The following CARMIL1 variants were observed in gnomAD, a reference collection of about 807,000 sequenced individuals.
CARMIL1 encodes capping protein regulator and myosin 1 linker 1.
A neutral mutation model predicts 177.1 loss-of-function variants in CARMIL1; 90 were observed. The ratio of observed to expected loss-of-function variants is 0.51; its 90% CI spans 0.43 to 0.61. The LOEUF (loss-of-function observed/expected upper bound fraction) is 0.61. Among genes scored for constraint, CARMIL1 ranks in the 20% least tolerant of loss-of-function variants. CARMIL1 has a pLI of 0.00. For synonymous variants in CARMIL1, 577 were observed against 606.2 expected, an observed-to-expected ratio of 0.95 and a Z score of 0.71; for missense variants, 1,380 against 1,667.0, an observed-to-expected ratio of 0.83 and a Z score of 3.00.
Position 25,452,363 on chromosome 6 carries a change from CT to C in CARMIL1, c.614+1655del, listed in dbSNP as rs1291902970. On this transcript the variant is annotated intron_variant, in intron 8 of 36. Transcript: ENST00000329474. ...AGAAAGAAAAAGGGAAAATATTTTA[CT>C]TTGTAAGTATTTTCCAATAAAACAA... 6.4e-5 allele frequency: 40 copies of C among 623,744 alleles called. No individual in the cohort carries two copies. In the South Asian group the frequency reaches 7.0e-4, roughly 11 times the overall value. 38.6% of individuals were successfully genotyped at this position (623,744 alleles called of 1,614,324 possible). A position where few individuals can be genotyped will look rare whatever the true frequency, so the allele number is the denominator to read the frequency against.
chr6:25,321,994 G>C (rs562017172), intron 2 of CARMIL1, among the ~76,000 whole-genome samples: 42 of 152,000 alleles, frequency 2.8e-4, no homozygotes, highest in African/African-American at 9.9e-4. Flanking sequence ...AGGTCACGCT[G>C]TGTTGCCTAG....
intron 2 of CARMIL1, among the ~76,000 whole-genome samples, chr6:25,408,303 A>T (rs1581837802): frequency 6.6e-6 from 1 of 151,788 alleles, no homozygotes; most frequent in Non-Finnish European, 1.5e-5. Context: ...AAAAAAAAAA[A>T]AAAAAAAAAA....
At chr6:25,442,107 A>G (rs1475610125) in intron 5 of CARMIL1, among the ~76,000 whole-genome samples, 3 of 151,976 alleles carry the variant, frequency 2.0e-5, no homozygotes, top group Non-Finnish European at 4.4e-5. Context: ...TATTCTGGAG[A>G]CAGCTGCCAT....
chr6:25,441,337 A>ATATATATATATGTGTGTG, intron 5 of CARMIL1, among the ~76,000 whole-genome samples: 225 of 94,510 alleles, frequency 2.4e-3, no homozygotes, highest in Middle Eastern at 5.4e-3. Flanking sequence ...ATATATATAT[A>ATATATATATATGTGTGTG]TGTGTGTGTG....
intron 2 of CARMIL1, among the ~76,000 whole-genome samples, chr6:25,419,237 CACTTGCT>C (rs1795626818): frequency 6.6e-6 from 1 of 152,158 alleles, no homozygotes; most frequent in African/African-American, 2.4e-5. Context: ...AAATAAGCAC[CACTTGCT>C]AAATACAGGC....
intron 2 of CARMIL1, among the ~76,000 whole-genome samples, chr6:25,336,270 C>A (rs1217835610): frequency 6.6e-6 from 1 of 152,152 alleles, no homozygotes; most frequent in East Asian, 1.9e-4. Context: ...GGTTTCATCC[C>A]TCCATGCTTG....
intron 2 of CARMIL1, among the ~76,000 whole-genome samples, chr6:25,399,051 C>T (rs1471815427): frequency 1.3e-5 from 2 of 152,154 alleles, no homozygotes; most frequent in East Asian, 3.9e-4. Context: ...AAAACACCCC[C>T]CTTTTCTTCC....
intron 29 of CARMIL1, among the ~76,000 whole-genome samples, chr6:25,568,959 TGCCC>T (rs1811816232): frequency 2.0e-5 from 3 of 152,238 alleles, no homozygotes; most frequent in African/African-American, 4.8e-5. Context: ...TAGAAAATAA[TGCCC>T]TAGTGGCATA....
At chr6:25,381,474 G>C (rs1308801573) in intron 2 of CARMIL1, among the ~76,000 whole-genome samples, 1 of 152,202 alleles carries the variant, frequency 6.6e-6, no homozygotes, top group Non-Finnish European at 1.5e-5. Context: ...CTCCACTTTA[G>C]ATGCCAGTTG....
chr6:25,314,502 C>A (rs1038773693), intron 2 of CARMIL1, among the ~76,000 whole-genome samples: 1 of 123,176 alleles, frequency 8.1e-6, no homozygotes, highest in African/African-American at 3.7e-5. Flanking sequence ...TATATACACA[C>A]CCCCACACAC....
chr6:25,604,745 A>G (rs1489362702), intron 33 of CARMIL1, 67 bp from the exon 34 acceptor site: 2 of 1,246,894 alleles, frequency 1.6e-6, no homozygotes, highest in South Asian at 1.3e-5. Flanking sequence ...TATTATCTGC[A>G]TTGTTTTTTC....
rs1486250804 is a variant in CARMIL1 at position 25,281,150 on chromosome 6, A to G, written c.40+1315A>G. 8.7e-5 allele frequency among the ~76,000 whole-genome samples: 13 copies of G among 149,744 alleles called. No individual in the cohort carries two copies. The South Asian group carries it at 2.1e-3, about 24-fold the overall frequency. On this transcript the variant is annotated intron_variant, in intron 1 of 36. Coordinates refer to ENST00000329474, the MANE Select transcript of CARMIL1 (RefSeq NM_017640.6). ...TGTGCGCGCGCGCACACACACACAC[A>G]CACACACACACACACACACGCACCT...
chr6:25,340,895 T>C (rs1200696005), intron 2 of CARMIL1, among the ~76,000 whole-genome samples: 2 of 149,908 alleles, frequency 1.3e-5, no homozygotes, highest in Non-Finnish European at 3.0e-5. Flanking sequence ...TCTGACCATG[T>C]AATAAATGAT....
chr6:25,388,916 C>A (rs1410159235), intron 2 of CARMIL1, among the ~76,000 whole-genome samples: 2 of 152,050 alleles, frequency 1.3e-5, no homozygotes, highest in African/African-American at 4.8e-5. Context: ...TTCATGGCCT[C>A]AAGCGATCTT....
chr6:25,420,516 G>T (rs2076890), intron 3 of CARMIL1: 30,031 of 192,626 alleles, frequency 0.16, 2,523 homozygotes, highest in Middle Eastern at 0.17. Context: ...TCTCTCAACT[G>T]GGGCTTGATT....
intron 2 of CARMIL1, among the ~76,000 whole-genome samples, chr6:25,401,855 C>T (rs1270414051): frequency 1.3e-5 from 2 of 152,066 alleles, no homozygotes; most frequent in East Asian, 1.9e-4. Context: ...ATCTCAGGGA[C>T]GTTGTTGGGA....
At chr6:25,588,947 G>A (rs1027512654) in intron 31 of CARMIL1, among the ~76,000 whole-genome samples, 8 of 152,106 alleles carry the variant, frequency 5.3e-5, no homozygotes, top group Non-Finnish European at 1.2e-4. Context: ...ATATATTCTC[G>A]GCATAGGGCA....
chr6:25,380,222 C>CA (rs1791390616), intron 2 of CARMIL1, among the ~76,000 whole-genome samples: 1 of 152,080 alleles, frequency 6.6e-6, no homozygotes, highest in South Asian at 2.1e-4. Context: ...ATTTTAAAAA[C>CA]ACAGTATTTT....
intron 5 of CARMIL1, among the ~76,000 whole-genome samples, chr6:25,441,684 A>G (rs1184186549): frequency 6.6e-6 from 1 of 152,134 alleles, no homozygotes; most frequent in Non-Finnish European, 1.5e-5. Flanking sequence ...TAACATTCCA[A>G]TCTTTGCTAT....
Sources: gnomAD v4.1 joint callset for allele counts (sites outside exome capture counted in the v4.1 genomes callset) on GRCh38, gnomAD v4.1.1 for gene constraint, MANE v1.5 for transcripts, NCBI Gene and HGNC (gene_info 2026-07-23, HGNC 2026-07-21) for gene names.